IFT80: variants seen among roughly 807,000 people sequenced by gnomAD.
The protein encoded by IFT80 is intraflagellar transport 80, also known as intraflagellar transport protein 80 homolog.
Under a neutral mutation model 107.9 loss-of-function variants are expected in IFT80, and 79 were observed. The observed-to-expected ratio is 0.73, with a 90% CI of 0.61 to 0.88. The LOEUF is 0.88. IFT80 is among the 40% of genes least tolerant of loss of function. The pLI, the probability that IFT80 is intolerant of heterozygous loss-of-function variation, is 0.00. For synonymous variants in IFT80, 299 were observed against 300.9 expected (o/e 0.99, Z 0.07); for missense variants, 797 against 914.2 (o/e 0.87, Z 1.65).
Position 160,362,411 on chromosome 3 carries a change from C to T in IFT80, c.549+3632G>A, listed in dbSNP as rs921599667. Among the ~76,000 whole-genome samples the T allele has an allele frequency of 5.3e-5, 8 of 152,284 alleles. No homozygotes were observed. The East Asian group carries it at 1.5e-3, about 29-fold the overall frequency. ...CAACCAAAAAAAGTCCAGGACCAGA[C>T]AGATTCACAGCCGAATTCTACCAGA... On this transcript the variant is annotated intron_variant, in intron 6 of 19. Coordinates refer to ENST00000326448, the MANE Select transcript of IFT80 (RefSeq NM_020800.3).
chr3:160,394,546 T>A lies in IFT80; in HGVS notation c.-47+4600A>T, dbSNP rs115755204. Among the ~76,000 whole-genome samples the A allele has an allele frequency of 3.2e-3, 486 of 152,248 alleles. 2 individuals are homozygous for A. Among genetic ancestry groups the A allele is most frequent in the African/African-American group, 0.011 (467 of 41,546 alleles). On this transcript the variant is annotated intron_variant, in intron 1 of 19. Transcript: ENST00000326448. Reference sequence around the variant, plus strand: ...TTACATTTCCTTGAAATTCTAGCTATGATTAATAGCCATACTTCAATATTA... The same window carrying A: ...TTACATTTCCTTGAAATTCTAGCTAAGATTAATAGCCATACTTCAATATTA...
intron 1 of IFT80, among the ~76,000 whole-genome samples, chr3:160,395,520 A>G (rs1293921550): frequency 6.6e-6 from 1 of 152,240 alleles, no homozygotes; most frequent in Non-Finnish European, 1.5e-5. Flanking sequence ...AGCCAATTAG[A>G]GCATTCCATT....
At chr3:160,280,921 T>A in intron 14 of IFT80, 107 bp from the exon 15 acceptor site, 1 of 937,172 alleles carries the variant, frequency 1.1e-6, no homozygotes, top group Non-Finnish European at 1.7e-6. Flanking sequence ...TTCTGGTAGA[T>A]ATGACTCTAC....
chr3:160,298,050 G>A (rs1716125930), intron 12 of IFT80, among the ~76,000 whole-genome samples: 1 of 152,060 alleles, frequency 6.6e-6, no homozygotes, highest in Admixed American at 6.5e-5. Context: ...AAGTGAATAG[G>A]GAGAAGAAGG....
chr3:160,320,464 C>G (rs1219149294), intron 8 of IFT80, among the ~76,000 whole-genome samples: 1 of 151,504 alleles, frequency 6.6e-6, no homozygotes, highest in South Asian at 2.1e-4. Context: ...TGAGTATAAC[C>G]TCTCCTAGAA....
chr3:160,392,751 C>T (rs1306722218), intron 1 of IFT80, among the ~76,000 whole-genome samples: 1 of 152,186 alleles, frequency 6.6e-6, no homozygotes, highest in Non-Finnish European at 1.5e-5. Context: ...TGTATGCTCA[C>T]CACAACAGCC....
chr3:160,301,211 A>T (rs1334756586), intron 11 of IFT80, among the ~76,000 whole-genome samples, 165 bp from the exon 12 acceptor site: 2 of 152,024 alleles, frequency 1.3e-5, no homozygotes, highest in African/African-American at 4.8e-5. Flanking sequence ...GAAAGCCAGC[A>T]TTGGTTGTTT....
chr3:160,305,891 T>A (rs1716797820), intron 10 of IFT80, among the ~76,000 whole-genome samples: 1 of 152,132 alleles, frequency 6.6e-6, no homozygotes, highest in South Asian at 2.1e-4. Context: ...ATCTAATCAT[T>A]CTCTATGTCC....
At chr3:160,296,585 AT>A (rs1429628319) in intron 12 of IFT80, among the ~76,000 whole-genome samples, 1 of 151,944 alleles carries the variant, frequency 6.6e-6, no homozygotes, top group Admixed American at 6.6e-5. Flanking sequence ...AAAAAAAAAA[AT>A]CACTATTACA....
At chr3:160,292,192 G>A (rs1011934619) in intron 12 of IFT80, among the ~76,000 whole-genome samples, 1 of 152,138 alleles carries the variant, frequency 6.6e-6, no homozygotes, top group African/African-American at 2.4e-5. Flanking sequence ...CACATACTGA[G>A]GGAACTATAA....
intron 14 of IFT80, among the ~76,000 whole-genome samples, chr3:160,281,432 G>A (rs1441478747): frequency 6.6e-6 from 1 of 152,166 alleles, no homozygotes; most frequent in African/African-American, 2.4e-5. Context: ...GTTACAGCAG[G>A]TAGTCAGGCA....
intron 12 of IFT80, among the ~76,000 whole-genome samples, chr3:160,289,861 AGAG>A (rs1484673366): frequency 2.6e-5 from 4 of 152,242 alleles, no homozygotes; most frequent in South Asian, 4.1e-4. Flanking sequence ...CACGGGGTGG[AGAG>A]GAGAAGACTC....
chr3:160,271,798 T>C (rs759657785), intron 18 of IFT80, among the ~76,000 whole-genome samples: 6 of 152,212 alleles, frequency 3.9e-5, no homozygotes, highest in Middle Eastern at 6.8e-3. Context: ...TCTGGAATGA[T>C]AGAATATCAC....
chr3:160,373,417 G>C (rs1391753570), intron 5 of IFT80: 1 of 152,164 alleles, frequency 6.6e-6, no homozygotes, highest in African/African-American at 2.4e-5. Context: ...GAAAACTATA[G>C]CACTAAACTA....
chr3:160,267,834 T>A lies in IFT80; in HGVS notation c.2223+579A>T, dbSNP rs543004441. Among the ~76,000 whole-genome samples the A allele has an allele frequency of 1.2e-4, 18 of 152,330 alleles. No individual in the cohort carries two copies. In the South Asian group the frequency reaches 3.7e-3, roughly 32 times the overall value. ...CTCCTGCCTCAGCCTCCCAAGTAGC[T>A]GGGACTACAGGCATGCACCACTGCA... On this transcript the variant is annotated intron_variant, in intron 19 of 19. Coordinates refer to ENST00000326448, the MANE Select transcript of IFT80 (RefSeq NM_020800.3).
intron 3 of IFT80, among the ~76,000 whole-genome samples, chr3:160,381,265 T>TATATATATATATATATATATATATA (rs1559971346): frequency 1.5e-3 from 201 of 135,186 alleles, no homozygotes; most frequent in Non-Finnish European, 2.1e-3. Flanking sequence ...TATATATATA[T>TATATATATATATATATATATATATA]TAAAGCCAAA....
At chr3:160,309,390 G>A (rs964629790) in intron 9 of IFT80, among the ~76,000 whole-genome samples, 1 of 152,074 alleles carries the variant, frequency 6.6e-6, no homozygotes, top group Non-Finnish European at 1.5e-5. Context: ...TCCATGAGAT[G>A]TAGTAAAGTG....
chr3:160,319,505 T>C (rs1288208721), intron 9 of IFT80, among the ~76,000 whole-genome samples: 3 of 152,022 alleles, frequency 2.0e-5, no homozygotes, highest in Non-Finnish European at 2.9e-5. Flanking sequence ...TGAATCCACA[T>C]ATTTCCTCCA....
chr3:160,287,017 G>C (rs1360856419), intron 12 of IFT80, among the ~76,000 whole-genome samples: 1 of 151,908 alleles, frequency 6.6e-6, no homozygotes, highest in Non-Finnish European at 1.5e-5. Context: ...CTCTGGAGAT[G>C]GGAAGCAGGC....
Sources: gnomAD v4.1 joint callset for allele counts (sites outside exome capture counted in the v4.1 genomes callset) on GRCh38, gnomAD v4.1.1 for gene constraint, MANE v1.5 for transcripts, NCBI Gene and HGNC (gene_info 2026-07-23, HGNC 2026-07-21) for gene names.